USP20: variants seen among roughly 807,000 people sequenced by gnomAD.
USP20 encodes ubiquitin carboxyl-terminal hydrolase 20.
USP20 carries 80 observed loss-of-function variants against 124.2 expected under a neutral mutation model. That is an observed-to-expected ratio of 0.64 (90% CI 0.54 to 0.78). USP20 has a LOEUF of 0.78. USP20 is among the 30% of genes least tolerant of loss of function. The pLI, the probability that USP20 is intolerant of heterozygous loss-of-function variation, is 0.00. For missense variants in USP20, 1,043 were observed against 1,244.4 expected (o/e 0.84, Z 2.44); for synonymous variants, 481 against 512.3 (o/e 0.94, Z 0.83).
chr9:129,869,603 C>T (rs1455119100), intron 13 of USP20, 69 bp from the exon 14 acceptor site: 3 of 1,593,486 alleles, frequency 1.9e-6, no homozygotes, highest in Non-Finnish European at 2.6e-6. Flanking sequence ...TGCCCCTCAC[C>T]TGCTGCTTGG....
In USP20 at chr9:129,868,047, G is replaced by A. The variant is rs753209884; in HGVS notation, c.733G>A (p.Glu245Lys). 1.4e-5 allele frequency: 22 copies of A among 1,613,984 alleles called. No homozygotes were observed. The highest frequency in any genetic ancestry group is 5.5e-5 in the South Asian group (5 of 91,092). ...FLRCLMDQLH[E>K]ELKEPVVATV... ...TCGCTGCCTGATGGACCAGCTGCAC[G>A]AGGAGCTCAAGGAGCCGGTGGTGGC... The change falls in exon 11 of 26, where the codon GAG becomes AAG. Residue 245 changes from glutamate to lysine, a missense_variant. Physicochemically the swap from Glu to Lys is moderately conservative, Grantham distance 56. Coordinates refer to ENST00000372429, the MANE Select transcript of USP20 (RefSeq NM_001110303.4).
In USP20 at chr9:129,875,632, T is replaced by C; in HGVS notation, c.2291T>C (p.Leu764Pro). 9 of 1,613,950 alleles carry C rather than the reference T, an allele frequency of 5.6e-6. No homozygotes were observed. The highest frequency in any genetic ancestry group is 1.1e-5 in the South Asian group (1 of 91,080). ...VILPQNVWEH[L>P]YNRFGGGPAV... ...CTGCCCCAGAACGTCTGGGAGCACC[T>C]GTACAACAGGTGAGAGCCTGGGAGG... The change falls in exon 21 of 26, where the codon CTG (leucine) becomes CCG (proline). Residue 764 changes from leucine (L) to proline (P), a missense_variant. Transcript: ENST00000372429.
intron 1 of USP20, among the ~76,000 whole-genome samples, chr9:129,848,927 C>G (rs2032743309): frequency 6.6e-6 from 1 of 152,224 alleles, no homozygotes; most frequent in Non-Finnish European, 1.5e-5. Context: ...ACTGCCTCTC[C>G]CTCTTTGAGC....
intron 21 of USP20, among the ~76,000 whole-genome samples, 158 bp from the exon 22 acceptor site, chr9:129,875,972 C>T (rs1042676132): frequency 3.3e-5 from 2 of 60,386 alleles, no homozygotes; most frequent in East Asian, 6.3e-4. Context: ...CGCGCTGCTC[C>T]GTTGCAGGCT....
At chr9:129,863,142 C>T in intron 8 of USP20, 44 bp from the exon 9 acceptor site, 7 of 1,450,804 alleles carry the variant, frequency 4.8e-6, no homozygotes, top group Non-Finnish European at 6.5e-6. Context: ...CTGCCGCATG[C>T]CTCATTTGCT....
chr9:129,865,246 C>A (rs770566312), intron 9 of USP20, 57 bp from the exon 10 acceptor site: 2 of 1,584,018 alleles, frequency 1.3e-6, no homozygotes, highest in African/African-American at 2.7e-5. Context: ...CTGCTTCTCT[C>A]GGGAATGAGC....
At chr9:129,872,496 T>C (rs12237046) in intron 15 of USP20, among the ~76,000 whole-genome samples, 1 of 152,198 alleles carries the variant, frequency 6.6e-6, no homozygotes, top group Admixed American at 6.5e-5. Context: ...ACGTGACTTA[T>C]AACCCTGTCC....
Position 129,869,759 on chromosome 9 carries a change from C to A in USP20, c.1480C>A (p.Gln494Lys). Residue 494 changes from glutamine to lysine, a missense_variant, in exon 14 of 26, where the codon CAG (glutamine) becomes AAG (lysine). Coordinates refer to ENST00000372429, the MANE Select transcript of USP20 (RefSeq NM_001110303.4). ...DLAKLHSAIYQNVPAKPGACG... is the reference protein window; with the variant it reads ...DLAKLHSAIYKNVPAKPGACG... ...GGCCAAGCTCCATTCAGCCATCTAC[C>A]AGAATGTGCCGGCCAAGCCAGGCGC... is the stretch of plus-strand genomic sequence containing the variant. 1 of 1,614,084 alleles carries A rather than the reference C, an allele frequency of 6.2e-7. No individual in the cohort carries two copies. Among genetic ancestry groups the A allele is most frequent in the East Asian group, 2.2e-5 (1 of 44,888 alleles).
chr9:129,849,706 T>A (rs757119899), intron 1 of USP20, 107 bp from the exon 2 acceptor site: 10 of 152,454 alleles, frequency 6.6e-5, no homozygotes, highest in Non-Finnish European at 1.5e-4. Flanking sequence ...AAGGCTGCAG[T>A]GAGCTGTGAT....
In USP20 at chr9:129,858,136, G is replaced by C. The variant is rs551678913; in HGVS notation, c.198+24G>C. ...AGGTGAGTGTGGTGGCTGAGAGTAT[G>C]GGCCCTGCAGTTAGATGGCCTGGGG... is the stretch of plus-strand genomic sequence containing the variant. On this transcript the variant is annotated intron_variant, in intron 5 of 25. Transcript: ENST00000372429. 3 of 1,612,120 alleles carry C rather than the reference G, an allele frequency of 1.9e-6. No homozygotes were observed. The East Asian group carries it at 6.7e-5, about 36-fold the overall frequency.
At chr9:129,861,272 A>G (rs2033532616) in intron 7 of USP20, among the ~76,000 whole-genome samples, 1 of 152,078 alleles carries the variant, frequency 6.6e-6, no homozygotes, top group East Asian at 1.9e-4. Flanking sequence ...GGGCAGGCCG[A>G]CCCCTCTGCT....
chr9:129,858,314 C>G (rs957176004), intron 5 of USP20, among the ~76,000 whole-genome samples, 153 bp from the exon 6 acceptor site: 7 of 151,964 alleles, frequency 4.6e-5, no homozygotes, highest in Admixed American at 3.9e-4. Context: ...CCCTCAGGGT[C>G]CTGACTGGGG....
chr9:129,865,380 A>G lies in USP20; in HGVS notation c.689A>G (p.Gln230Arg). The G allele has an allele frequency of 1.2e-6, 2 of 1,614,156 alleles. No individual in the cohort carries two copies. Among genetic ancestry groups the G allele is most frequent in the Non-Finnish European group, 1.7e-6 (2 of 1,179,972 alleles). ...VNPMFRGYAQ[Q>R]DTQEFLRCLM... Reference sequence around the variant, plus strand: ...CCAATGTTCCGAGGCTATGCCCAGCAGGTAAGCCATCTGAGCTGCCCAGGG... The same window carrying G: ...CCAATGTTCCGAGGCTATGCCCAGCGGGTAAGCCATCTGAGCTGCCCAGGG... Residue 230 changes from glutamine to arginine, a missense_variant and splice_region_variant, in exon 10 of 26, where the codon CAG (glutamine) becomes CGG (arginine). Physicochemically the swap from Gln to Arg is conservative, Grantham distance 43. Coordinates refer to ENST00000372429, the MANE Select transcript of USP20 (RefSeq NM_001110303.4).
Position 129,880,241 on chromosome 9 carries a change from C to T in USP20, c.2713C>T (p.Gln905Ter), listed in dbSNP as rs944658161. Residue 905 changes from glutamine (Q) to a stop codon, truncating the protein, a stop_gained, in exon 25 of 26, where the codon CAG (glutamine) becomes TAG (stop). Coordinates refer to ENST00000372429, the MANE Select transcript of USP20 (RefSeq NM_001110303.4). LOFTEE classifies it high-confidence loss of function. The part of the protein sequence containing the change: ...PLGPENLHGE[Q>*]KIEAETRAV ...GGGCCCAGAGAACCTGCACGGGGAG[C>T]AGAAGATCGAAGCCGAGACGCGGGC... The T allele has an allele frequency of 6.2e-7, 1 of 1,611,452 alleles. No homozygotes were observed. The highest frequency in any genetic ancestry group is 8.5e-7 in the Non-Finnish European group (1 of 1,179,260).
At chr9:129,857,353 C>T (rs144044975) in intron 4 of USP20, among the ~76,000 whole-genome samples, 19 of 152,342 alleles carry the variant, frequency 1.2e-4, no homozygotes, top group African/African-American at 3.6e-4. Context: ...CTTTCTGAGT[C>T]AGCCACATGA....
chr9:129,846,247 ATTTTT>A (rs35809246), intron 1 of USP20, among the ~76,000 whole-genome samples: 5 of 32,664 alleles, frequency 1.5e-4, no homozygotes, highest in African/African-American at 4.7e-4. Flanking sequence ...ATATATATAT[ATTTTT>A]TTTTTTTTTT....
chr9:129,847,608 G>A (rs1235794886), intron 1 of USP20, among the ~76,000 whole-genome samples: 1 of 151,978 alleles, frequency 6.6e-6, no homozygotes, highest in Admixed American at 6.6e-5. Context: ...GCCTCATTCT[G>A]ATTTAAAATG....
chr9:129,854,832 A>G (rs2033128902), intron 3 of USP20, among the ~76,000 whole-genome samples: 1 of 152,122 alleles, frequency 6.6e-6, no homozygotes, highest in African/African-American at 2.4e-5. Flanking sequence ...CGTATGGGAC[A>G]AGCTGCTTCA....
chr9:129,870,556 C>T lies in USP20; in HGVS notation c.1660+9C>T, dbSNP rs757938203. ...CGCTGATGAGTTAAAGGGTGAGGGGCCTGGCTGGCAAGGGTCGGGGAGGTG... is the reference window on the plus strand; with the variant it reads ...CGCTGATGAGTTAAAGGGTGAGGGGTCTGGCTGGCAAGGGTCGGGGAGGTG... On this transcript the variant is annotated intron_variant, in intron 15 of 25. Coordinates refer to ENST00000372429, the MANE Select transcript of USP20 (RefSeq NM_001110303.4). 5 of 1,613,422 alleles carry T rather than the reference C, an allele frequency of 3.1e-6. No individual in the cohort carries two copies. In the South Asian group the frequency reaches 5.5e-5, roughly 18 times the overall value.
Sources: gnomAD v4.1 joint callset for allele counts (sites outside exome capture counted in the v4.1 genomes callset) on GRCh38, gnomAD v4.1.1 for gene constraint, MANE v1.5 for transcripts, NCBI Gene and HGNC (gene_info 2026-07-23, HGNC 2026-07-21) for gene names.